The following RBFOX1 variants were observed in gnomAD, a reference collection of about 807,000 sequenced individuals.
RBFOX1 encodes the protein RNA binding fox-1 homolog 1.
RBFOX1 carries 8 observed loss-of-function variants against 57.7 expected under a neutral mutation model. That is an observed-to-expected ratio of 0.14 (90% CI 0.08 to 0.25). The LOEUF (loss-of-function observed/expected upper bound fraction) is 0.25, where lower values mean the gene tolerates loss of function less well. RBFOX1 is among the 10% of genes least tolerant of loss of function. The probability of loss-of-function intolerance (pLI) is 1.00; values close to 1 mark genes in which losing one functional copy is unlikely to be tolerated. For missense variants in RBFOX1, 611 were observed against 548.5 expected (o/e 1.11, Z -1.14); for synonymous variants, 326 against 222.4 (o/e 1.47, Z -4.15).
chr16:5,764,259 C>T lies in RBFOX1; in HGVS notation c.319-103044C>T, dbSNP rs907764251. 2.0e-5 allele frequency among the ~76,000 whole-genome samples: 3 copies of T among 152,114 alleles called. No homozygotes were observed. The East Asian group carries it at 5.8e-4, about 29-fold the overall frequency. On this transcript the variant is annotated intron_variant, in intron 3 of 19. Transcript: ENST00000641259. ...GGGCTGTTCTTAAGTTATTAATAGT[C>T]CTGGAATACCAGGAATATCTATAAC...
chr16:7,501,539 G>C (rs1666803074), intron 4 of RBFOX1, among the ~76,000 whole-genome samples: 1 of 152,130 alleles, frequency 6.6e-6, no homozygotes, highest in African/African-American at 2.4e-5. Flanking sequence ...TAGCCTCCAG[G>C]TCTTCAGCCC....
Position 7,215,088 on chromosome 16 carries a change from G to T in RBFOX1, c.27+162990G>T, listed in dbSNP as rs55799529. Among the ~76,000 whole-genome samples the T allele has an allele frequency of 1.9e-3, 289 of 152,224 alleles. 1 individual carries two copies. The highest frequency in any genetic ancestry group is 3.1e-3 in the Non-Finnish European group (211 of 68,024). On this transcript the variant is annotated intron_variant, in intron 4 of 15. Transcript: ENST00000550418. ...ACCCCCCGCGGACAGGCCCTGGTGT[G>T]TGATGTTCGCCTCCCTACGTCCATG... is the stretch of plus-strand genomic sequence containing the variant.
rs1441135298 is a variant in RBFOX1 at position 7,392,923 on chromosome 16, G to T, written c.28-125224G>T. On this transcript the variant is annotated intron_variant, in intron 4 of 15. Transcript: ENST00000550418. ...GAGTCTTGCTGTGTCCCCCAAGCTG[G>T]AGTGCAGTGGCATGATCTCGGCTCA... 2.6e-5 allele frequency among the ~76,000 whole-genome samples: 4 copies of T among 152,108 alleles called. No individual in the cohort carries two copies. The East Asian group carries it at 5.8e-4, about 22-fold the overall frequency.
intron 3 of RBFOX1, among the ~76,000 whole-genome samples, chr16:6,786,666 T>C (rs1259685562): frequency 3.9e-5 from 6 of 152,144 alleles, no homozygotes; most frequent in African/African-American, 7.2e-5. Flanking sequence ...AGAGGTCAAG[T>C]AGGTCAACAA....
At chr16:5,467,384 C>G in intron 2 of RBFOX1, 1 of 810,626 alleles carries the variant, frequency 1.2e-6, no homozygotes, top group Non-Finnish European at 1.9e-6. Flanking sequence ...AACCACAGCA[C>G]AGTTCATCCC....
chr16:6,359,456 A>C (rs1346141406), intron 2 of RBFOX1, among the ~76,000 whole-genome samples: 2 of 152,164 alleles, frequency 1.3e-5, no homozygotes, highest in Non-Finnish European at 2.9e-5. Flanking sequence ...ACTTTCAGCC[A>C]CCTGATAGGA....
intron 4 of RBFOX1, chr16:7,126,306 G>C (rs2068530132): frequency 3.1e-6 from 1 of 317,776 alleles, no homozygotes; most frequent in Non-Finnish European, 6.0e-6. Context: ...CATGGGCTTT[G>C]GTGGGGGTCA....
chr16:7,390,482 C>G (rs1303927736), intron 4 of RBFOX1, among the ~76,000 whole-genome samples: 2 of 152,150 alleles, frequency 1.3e-5, no homozygotes, highest in Admixed American at 6.5e-5. Flanking sequence ...CAAAGCCTTG[C>G]CATATCATCT....
chr16:7,642,287 GCTTTGGGC>G (rs1303931644), intron 11 of RBFOX1, among the ~76,000 whole-genome samples: 1 of 152,128 alleles, frequency 6.6e-6, no homozygotes, highest in Non-Finnish European at 1.5e-5. Context: ...CTCCAGGTTG[GCTTTGGGC>G]ATTGATCAAA....
At chr16:6,491,401 C>T (rs1455594533) in intron 2 of RBFOX1, among the ~76,000 whole-genome samples, 1 of 152,056 alleles carries the variant, frequency 6.6e-6, no homozygotes, top group East Asian at 1.9e-4. Flanking sequence ...ACCCAACACT[C>T]AGTGAATTTC....
chr16:7,362,778 G>T (rs953744645), intron 4 of RBFOX1, among the ~76,000 whole-genome samples: 1 of 152,108 alleles, frequency 6.6e-6, no homozygotes, highest in East Asian at 1.9e-4. Context: ...GTGCGTATAT[G>T]TGTGTGTGTG....
At chr16:5,609,226 A>G (rs1259977824) in intron 3 of RBFOX1, among the ~76,000 whole-genome samples, 1 of 152,190 alleles carries the variant, frequency 6.6e-6, no homozygotes, top group African/African-American at 2.4e-5. Context: ...GCTTGCTTTT[A>G]AGTTATGTAT....
chr16:6,179,677 C>G (rs1233792201), intron 1 of RBFOX1, among the ~76,000 whole-genome samples: 2 of 152,162 alleles, frequency 1.3e-5, no homozygotes, highest in Non-Finnish European at 2.9e-5. Context: ...CTCTTCTTTC[C>G]CCACCCTTTC....
intron 3 of RBFOX1, among the ~76,000 whole-genome samples, chr16:6,821,182 A>T (rs761767126): frequency 6.6e-6 from 1 of 152,052 alleles, no homozygotes; most frequent in African/African-American, 2.4e-5. Context: ...GCTGGAAGGC[A>T]CTCCTGGATT....
chr16:7,055,728 C>A (rs949965277), intron 4 of RBFOX1, among the ~76,000 whole-genome samples: 2 of 152,116 alleles, frequency 1.3e-5, no homozygotes, highest in South Asian at 2.1e-4. Context: ...CACATTGTTA[C>A]CTGCACAAAA....
intron 1 of RBFOX1, among the ~76,000 whole-genome samples, chr16:5,404,943 G>A (rs1239345656): frequency 6.6e-6 from 1 of 152,178 alleles, no homozygotes; most frequent in Admixed American, 6.5e-5. Context: ...GGAACTTTTG[G>A]AGTCATCATC....
chr16:6,906,247 C>CCA (rs1555608910), intron 3 of RBFOX1, among the ~76,000 whole-genome samples: 2 of 151,930 alleles, frequency 1.3e-5, no homozygotes, highest in South Asian at 2.1e-4. Context: ...TTACCCCCCC[C>CCA]CAAAATATAC....
chr16:5,842,995 TC>T (rs1320066739), intron 3 of RBFOX1, among the ~76,000 whole-genome samples: 5 of 151,912 alleles, frequency 3.3e-5, no homozygotes. Flanking sequence ...ATTGTTTTTT[TC>T]TTTTTTTTCT....
intron 4 of RBFOX1, among the ~76,000 whole-genome samples, chr16:7,305,801 T>G (rs2096168127): frequency 6.6e-6 from 1 of 152,252 alleles, no homozygotes; most frequent in African/African-American, 2.4e-5. Flanking sequence ...ATTTGTTCTT[T>G]TAAATATTAT....
Sources: gnomAD v4.1 joint callset for allele counts (sites outside exome capture counted in the v4.1 genomes callset) on GRCh38, gnomAD v4.1.1 for gene constraint, MANE v1.5 for transcripts, NCBI Gene and HGNC (gene_info 2026-07-23, HGNC 2026-07-21) for gene names.